The following ZNF182 variants were observed in gnomAD, a reference collection of about 807,000 sequenced individuals.
ZNF182 encodes zinc finger protein 21 (KOX 14).
Under a neutral mutation model 28.1 loss-of-function variants are expected in ZNF182, and 10 were observed. The observed-to-expected ratio is 0.36, with a 90% CI of 0.22 to 0.60. ZNF182 has a LOEUF of 0.60. Ranked by LOEUF, ZNF182 falls within the 20% of genes least tolerant of loss-of-function variation. The probability of loss-of-function intolerance (pLI) is 0.75; values close to 1 mark genes in which losing one functional copy is unlikely to be tolerated. For missense variants in ZNF182, 352 were observed against 453.2 expected (o/e 0.78, Z 2.03); for synonymous variants, 156 against 158.7 (o/e 0.98, Z 0.13).
intron 3 of ZNF182, among the ~76,000 whole-genome samples, chrX:47,984,338 G>A (rs1450433988): frequency 2.7e-5 from 3 of 111,449 alleles, no homozygotes; most frequent in Non-Finnish European, 3.8e-5. Flanking sequence ...TGGTATAATC[G>A]CTTTGGTAAC....
chrX:47,979,046 T>C (rs1240171022), intron 5 of ZNF182, among the ~76,000 whole-genome samples: 3 of 112,405 alleles, frequency 2.7e-5, no homozygotes, highest in Non-Finnish European at 5.6e-5. Flanking sequence ...TTTTTGTACA[T>C]ATGGTGAATT....
intron 3 of ZNF182, among the ~76,000 whole-genome samples, chrX:47,992,615 A>G (rs782187529): frequency 1.8e-5 from 2 of 109,608 alleles, no homozygotes; most frequent in Admixed American, 9.7e-5. Context: ...CTCTGTCCCC[A>G]CTCGCTGGCT....
chrX:47,988,846 G>A (rs1556900089), intron 3 of ZNF182, among the ~76,000 whole-genome samples: 2 of 111,148 alleles, frequency 1.8e-5, no homozygotes. Context: ...AATAAATAAA[G>A]GAGATAAAGA....
intron 5 of ZNF182, among the ~76,000 whole-genome samples, chrX:47,982,411 G>A (rs1432038988): frequency 2.7e-5 from 3 of 112,075 alleles, no homozygotes; most frequent in African/African-American, 9.7e-5. Context: ...ACAACTCTGT[G>A]AATATACTAA....
chrX:47,998,807 C>CGAGAT (rs1466961955), intron 3 of ZNF182, among the ~76,000 whole-genome samples: 1 of 105,326 alleles, frequency 9.5e-6, no homozygotes, highest in Non-Finnish European at 1.9e-5. Flanking sequence ...TGCAGTGAGC[C>CGAGAT]GAGATCGCAC....
chrX:47,993,344 A>C (rs1295238595), intron 3 of ZNF182, among the ~76,000 whole-genome samples: 1 of 112,158 alleles, frequency 8.9e-6, no homozygotes, highest in African/African-American at 3.2e-5. Context: ...ATAATAAACT[A>C]ATAATCATAA....
chrX:47,989,020 C>T (rs909269863), intron 3 of ZNF182, among the ~76,000 whole-genome samples: 1 of 111,909 alleles, frequency 8.9e-6, no homozygotes, highest in Non-Finnish European at 1.9e-5. Flanking sequence ...ATTATGTAAC[C>T]TCAAAGTATC....
intron 3 of ZNF182, among the ~76,000 whole-genome samples, chrX:47,992,823 A>G (rs991042485): frequency 1.8e-5 from 2 of 111,964 alleles, no homozygotes; most frequent in African/African-American, 6.5e-5. Context: ...GAGAGTGGCT[A>G]TCTTGGTAGG....
chrX:47,983,958 G>A (rs1556899466), intron 3 of ZNF182, among the ~76,000 whole-genome samples: 1 of 111,740 alleles, frequency 8.9e-6, no homozygotes, highest in East Asian at 2.8e-4. Flanking sequence ...TAAAGGAAAA[G>A]ACAAGTGTTA....
At chrX:47,998,579 G>A (rs568730063) in intron 3 of ZNF182, among the ~76,000 whole-genome samples, 7 of 112,582 alleles carry the variant, frequency 6.2e-5, no homozygotes, top group Admixed American at 2.8e-4. Context: ...AGAGGAGGCC[G>A]GGTGTGGTGG....
chrX:47,978,792 CTT>C (rs2058894819), intron 5 of ZNF182, among the ~76,000 whole-genome samples: 1 of 112,634 alleles, frequency 8.9e-6, no homozygotes. Flanking sequence ...TCCTATATAA[CTT>C]AAATTTTTAT....
chrX:47,994,797 C>A (rs1340963893), intron 3 of ZNF182, among the ~76,000 whole-genome samples: 1 of 110,384 alleles, frequency 9.1e-6, no homozygotes, highest in Non-Finnish European at 1.9e-5. Flanking sequence ...TGCCACCACA[C>A]CTAGCTAATT....
chrX:47,992,721 G>A (rs781958171), intron 3 of ZNF182, among the ~76,000 whole-genome samples: 8 of 111,250 alleles, frequency 7.2e-5, no homozygotes, highest in African/African-American at 2.3e-4. Flanking sequence ...TGCTACCTCC[G>A]TGACTTTCTG....
chrX:47,982,074 CCATCAATTGATGAATGGACAAA>C (rs2058907972), intron 5 of ZNF182, among the ~76,000 whole-genome samples: 1 of 111,743 alleles, frequency 8.9e-6, no homozygotes, highest in African/African-American at 3.3e-5. Context: ...AGCAAAATTT[CCATCAATTGATGAATGGACAAA>C]CAAAATGTGT....
chrX:47,998,336 G>A (rs1243054758), intron 3 of ZNF182, among the ~76,000 whole-genome samples: 1 of 111,268 alleles, frequency 9.0e-6, no homozygotes, highest in African/African-American at 3.3e-5. Context: ...AATTTAACAA[G>A]TGTAAAAGAA....
At chrX:47,979,526 T>C (rs1430727093) in intron 5 of ZNF182, among the ~76,000 whole-genome samples, 1 of 110,560 alleles carries the variant, frequency 9.0e-6, no homozygotes, top group Non-Finnish European at 1.9e-5. Context: ...TCTCCACCCA[T>C]AAAGGAATTA....
chrX:47,977,324 T>C lies in ZNF182; in HGVS notation c.706A>G (p.Thr236Ala). ...KKSHLIVHWR[T>A]HTGEKPFGCT... Reference sequence around the variant, plus strand: ...CCAAAAGGTTTCTCTCCCGTATGAGTTCTCCAATGTACAATGAGGTGTGAC... The same window carrying C: ...CCAAAAGGTTTCTCTCCCGTATGAGCTCTCCAATGTACAATGAGGTGTGAC... The change falls in exon 6 of 6, where the codon ACT (threonine) becomes GCT (alanine). Residue 236 changes from threonine (T) to alanine (A), a missense_variant. Coordinates refer to ENST00000376943, the MANE Select transcript of ZNF182 (RefSeq NM_001007088.2). 8.3e-7 allele frequency: 1 copy of C among 1,209,738 alleles called. No homozygotes were observed. The highest frequency in any genetic ancestry group is 1.1e-6 in the Non-Finnish European group (1 of 894,951).
At chrX:47,987,998 A>C (rs1271097003) in intron 3 of ZNF182, among the ~76,000 whole-genome samples, 1 of 111,209 alleles carries the variant, frequency 9.0e-6, no homozygotes, top group Non-Finnish European at 1.9e-5. Context: ...TAGTTTGGCT[A>C]TCTCTCCCTC....
At chrX:47,986,650 C>T (rs952408367) in intron 3 of ZNF182, among the ~76,000 whole-genome samples, 1 of 111,555 alleles carries the variant, frequency 9.0e-6, no homozygotes, top group African/African-American at 3.3e-5. Flanking sequence ...AGTATTGTTC[C>T]TGGGTGTGTC....
Sources: gnomAD v4.1 joint callset for allele counts (sites outside exome capture counted in the v4.1 genomes callset) on GRCh38, gnomAD v4.1.1 for gene constraint, MANE v1.5 for transcripts, NCBI Gene and HGNC (gene_info 2026-07-23, HGNC 2026-07-21) for gene names.